RHCG: variants seen among roughly 807,000 people sequenced by gnomAD.
RHCG encodes the protein Rh family C glycoprotein.
In RHCG, 39 loss-of-function variants were observed where a neutral mutation model predicts 55.3. The ratio of observed to expected loss-of-function variants is 0.70; its 90% CI spans 0.55 to 0.92. RHCG has a LOEUF of 0.92. Among genes scored for constraint, RHCG ranks in the 40% least tolerant of loss-of-function variants. The probability of loss-of-function intolerance (pLI) is 0.00; values close to 1 mark genes in which losing one functional copy is unlikely to be tolerated. For missense variants in RHCG, 635 were observed against 627.9 expected, an observed-to-expected ratio of 1.01 and a Z score of -0.12; for synonymous variants, 250 against 246.8, an observed-to-expected ratio of 1.01 and a Z score of -0.12.
chr15:89,475,967 T>C (rs1000104218), intron 9 of RHCG, among the ~76,000 whole-genome samples: 1 of 152,124 alleles, frequency 6.6e-6, no homozygotes, highest in African/African-American at 2.4e-5. Flanking sequence ...TCAGGATGTC[T>C]GAGGAACTTA....
At chr15:89,495,663 C>T (rs1363039189) in intron 1 of RHCG, among the ~76,000 whole-genome samples, 1 of 152,208 alleles carries the variant, frequency 6.6e-6, no homozygotes, top group Middle Eastern at 3.2e-3. Flanking sequence ...TCTGCCAGAG[C>T]TTTACATGCA....
In RHCG at chr15:89,479,506, G is replaced by A. The variant is rs771196140; in HGVS notation, c.671-18C>T. The A allele has an allele frequency of 8.1e-6, 13 of 1,598,228 alleles. No individual in the cohort carries two copies. In the East Asian group the frequency reaches 2.5e-4, roughly 30 times the overall value. ...GAGGGTGCCTGGTCAGACCAGACAG[G>A]CCCAATGGGCCCGGGAGGAGAGGCA... On this transcript the variant is annotated intron_variant, in intron 4 of 10. Transcript: ENST00000268122.
intron 5 of RHCG, 125 bp from the exon 6 acceptor site, chr15:89,478,099 G>C (rs773112373): frequency 3.3e-5 from 42 of 1,259,546 alleles, no homozygotes; most frequent in Non-Finnish European, 4.5e-5. Flanking sequence ...ATGGCTGGGA[G>C]TTCACCTCAG....
intron 1 of RHCG, among the ~76,000 whole-genome samples, chr15:89,493,113 T>G (rs562551808): frequency 1.2e-4 from 19 of 152,338 alleles, no homozygotes; most frequent in Admixed American, 6.5e-4. Flanking sequence ...CTTTATCAAA[T>G]GGAGCCTGCT....
At chr15:89,494,095 C>G (rs936168375) in intron 1 of RHCG, among the ~76,000 whole-genome samples, 1 of 152,138 alleles carries the variant, frequency 6.6e-6, no homozygotes, top group Non-Finnish European at 1.5e-5. Flanking sequence ...TACCCCATCC[C>G]TTTCACAAAC....
chr15:89,483,461 C>T (rs12594883), intron 2 of RHCG, among the ~76,000 whole-genome samples: 38,410 of 151,858 alleles, frequency 0.25, 5,348 homozygotes, highest in African/African-American at 0.37. Context: ...CCATCTCAGG[C>T]CCCCGCTGCT....
chr15:89,482,660 T>C (rs12439128), intron 3 of RHCG, among the ~76,000 whole-genome samples: 2,856 of 152,334 alleles, frequency 0.019, 66 homozygotes, highest in African/African-American at 0.042. Context: ...GTACACACCA[T>C]GGCCACCTTG....
intron 1 of RHCG, among the ~76,000 whole-genome samples, chr15:89,488,468 T>G (rs538059595): frequency 6.6e-6 from 1 of 152,314 alleles, no homozygotes; most frequent in East Asian, 1.9e-4. Flanking sequence ...GTAATTATAC[T>G]GGGCAACATA....
intron 1 of RHCG, among the ~76,000 whole-genome samples, chr15:89,493,825 C>T (rs185709585): frequency 5.9e-5 from 9 of 152,176 alleles, no homozygotes; most frequent in African/African-American, 2.2e-4. Context: ...CTTTGCAAGA[C>T]ACTTCTCCGC....
chr15:89,480,549 T>C, intron 3 of RHCG, 141 bp from the exon 4 acceptor site: 1 of 959,862 alleles, frequency 1.0e-6, no homozygotes, highest in Non-Finnish European at 1.6e-6. Context: ...CCTGGGGCCT[T>C]CACGGACCAA....
chr15:89,482,704 C>G (rs1961289056), intron 3 of RHCG, among the ~76,000 whole-genome samples: 1 of 152,188 alleles, frequency 6.6e-6, no homozygotes, highest in Non-Finnish European at 1.5e-5. Context: ...TACAGATTTG[C>G]CCCTTCAATA....
chr15:89,476,970 G>C (rs1469377235), intron 8 of RHCG, 112 bp downstream of exon 8: 10 of 1,555,670 alleles, frequency 6.4e-6, no homozygotes, highest in Non-Finnish European at 8.8e-6. Context: ...GAAGTGCAGA[G>C]ATCAGGGATT....
Position 89,480,411 on chromosome 15 carries a change from G to A in RHCG, c.523-3C>T, listed in dbSNP as rs1354596220. ...ATGGAGCCTCCTGCATCCTTCACCTGGGGTGCAAGGGGCCTGTCAGACTCT... is the reference window on the plus strand; with the variant it reads ...ATGGAGCCTCCTGCATCCTTCACCTAGGGTGCAAGGGGCCTGTCAGACTCT... On this transcript the variant is annotated splice_region_variant and splice_polypyrimidine_tract_variant and intron_variant, in intron 3 of 10. Transcript: ENST00000268122. The A allele has an allele frequency of 6.2e-7, 1 of 1,611,166 alleles. No individual in the cohort carries two copies. The highest frequency in any genetic ancestry group is 8.5e-7 in the Non-Finnish European group (1 of 1,178,002).
rs1380658005 is a variant in RHCG at position 89,486,593 on chromosome 15, A to AGT, written c.371+205_371+206insAC. On this transcript the variant is annotated intron_variant, in intron 2 of 10. Coordinates refer to ENST00000268122, the MANE Select transcript of RHCG (RefSeq NM_016321.3). ...GAGAGAGAGAGAGAGAGAGAGAGAG[A>AGT]GAGAGAGTGTGTGTGTGTGTGTGTG... 1.2e-3 allele frequency: 483 copies of AGT among 416,908 alleles called. 2 individuals are homozygous for AGT. Among genetic ancestry groups the AGT allele is most frequent in the African/African-American group, 6.3e-3 (194 of 30,606 alleles). The allele number at this position is 416,908 out of a possible 1,614,324, so 25.8% of individuals were successfully genotyped here. A position where few individuals can be genotyped will look rare whatever the true frequency, so the allele number is the denominator to read the frequency against.
At chr15:89,485,022 A>G (rs961764029) in intron 2 of RHCG, among the ~76,000 whole-genome samples, 6 of 152,144 alleles carry the variant, frequency 3.9e-5, no homozygotes, top group African/African-American at 1.4e-4. Flanking sequence ...TCTGGGGACA[A>G]TATGCTCATC....
In RHCG at chr15:89,477,079, C is replaced by T. The variant is rs1183345187; in HGVS notation, c.1237+3G>A. ...CTTCTCTGGCTCAGCCATTCCTGCT[C>T]ACCCACAATGATGCCACCCATCAGG... is the stretch of plus-strand genomic sequence containing the variant. On this transcript the variant is annotated splice_donor_region_variant and intron_variant, in intron 8 of 10. Coordinates refer to ENST00000268122, the MANE Select transcript of RHCG (RefSeq NM_016321.3). The surrounding 1 kb of genome is among the most constrained non-coding windows in gnomAD (Gnocchi z 4.5). The T allele has an allele frequency of 2.5e-6, 4 of 1,614,096 alleles. No individual in the cohort carries two copies. Among genetic ancestry groups the T allele is most frequent in the Non-Finnish European group, 3.4e-6 (4 of 1,180,008 alleles).
intron 1 of RHCG, among the ~76,000 whole-genome samples, chr15:89,487,988 T>C (rs1961405338): frequency 1.3e-5 from 2 of 152,166 alleles, no homozygotes; most frequent in Non-Finnish European, 2.9e-5. Flanking sequence ...TCTCAGCGCT[T>C]ATGTTGCATG....
chr15:89,486,595 A>AGTGT (rs750785557), intron 2 of RHCG: 3,896 of 321,856 alleles, frequency 0.012, 36 homozygotes, highest in African/African-American at 0.019. Context: ...AGAGAGAGAG[A>AGTGT]GAGAGTGTGT....
At chr15:89,478,749 C>T (rs998954947) in intron 5 of RHCG, among the ~76,000 whole-genome samples, 8 of 152,134 alleles carry the variant, frequency 5.3e-5, no homozygotes, top group African/African-American at 1.9e-4. Flanking sequence ...ATCGATACTC[C>T]AGACAGTGTC....
Sources: allele counts gnomAD v4.1 joint callset (sites outside exome capture counted in the v4.1 genomes callset), GRCh38; gene constraint gnomAD v4.1.1; non-coding constraint Gnocchi (gnomAD v3.1); transcripts MANE v1.5; gene names NCBI Gene and HGNC (gene_info 2026-07-23, HGNC 2026-07-21).